Variants in CAMTA1 observed in about 807,000 individuals in gnomAD.
CAMTA1 encodes the protein calmodulin-binding transcription activator 1.
In CAMTA1, 27 loss-of-function variants were observed where a neutral mutation model predicts 170.9. The ratio of observed to expected loss-of-function variants is 0.16; its 90% CI spans 0.12 to 0.22. CAMTA1 has a LOEUF of 0.22. CAMTA1 is among the 10% of genes least tolerant of loss of function. The pLI, the probability that CAMTA1 is intolerant of heterozygous loss-of-function variation, is 1.00. For missense variants in CAMTA1, 1,619 were observed against 2,217.2 expected, an observed-to-expected ratio of 0.73 and a Z score of 5.42; for synonymous variants, 833 against 891.5, an observed-to-expected ratio of 0.93 and a Z score of 1.17.
At chr1:7,019,042 C>T (rs1212899600) in intron 3 of CAMTA1, among the ~76,000 whole-genome samples, 5 of 152,150 alleles carry the variant, frequency 3.3e-5, no homozygotes, top group African/African-American at 7.2e-5. Context: ...CCTTGGTGGG[C>T]GGGGTGGATG....
chr1:6,859,594 G>C (rs1663862076), intron 3 of CAMTA1, among the ~76,000 whole-genome samples: 2 of 152,030 alleles, frequency 1.3e-5, no homozygotes, highest in Non-Finnish European at 2.9e-5. Flanking sequence ...TTCAAGACCA[G>C]CCTGGGCAAC....
intron 3 of CAMTA1, among the ~76,000 whole-genome samples, chr1:7,053,825 T>C (rs1204603627): frequency 6.6e-6 from 1 of 152,240 alleles, no homozygotes; most frequent in Non-Finnish European, 1.5e-5. Context: ...GGTTGGTTGC[T>C]CAGCATGTCT....
At position 7,234,703 on chromosome 1, in the gene CAMTA1, T is replaced by C. The variant is rs925849118; in HGVS notation, c.303-14788T>C. 6.6e-6 allele frequency among the ~76,000 whole-genome samples: 1 copy of C among 152,162 alleles called. No individual in the cohort carries two copies. Among genetic ancestry groups the C allele is most frequent in the Non-Finnish European group, 1.5e-5 (1 of 68,020 alleles). On this transcript the variant is annotated intron_variant, in intron 4 of 22. Coordinates refer to ENST00000303635, the MANE Select transcript of CAMTA1 (RefSeq NM_015215.4). This position sits in a 1 kb window ranked among gnomAD's most constrained non-coding sequence, Gnocchi z 5.0. ...TTACCATCTCTCCAAATGGGCAGCCTCTTCTTTTCAGGGACCTCCAGAGAC... is the reference window on the plus strand; with the variant it reads ...TTACCATCTCTCCAAATGGGCAGCCCCTTCTTTTCAGGGACCTCCAGAGAC...
At chr1:7,654,983 TATAC>T (rs1212902149) in intron 7 of CAMTA1, among the ~76,000 whole-genome samples, 1 of 123,068 alleles carries the variant, frequency 8.1e-6, no homozygotes, top group Non-Finnish European at 1.6e-5. Flanking sequence ...CACACACACC[TATAC>T]ACACACCCAC....
intron 5 of CAMTA1, among the ~76,000 whole-genome samples, chr1:7,376,954 C>T (rs1444373889): frequency 6.6e-6 from 1 of 152,170 alleles, no homozygotes; most frequent in African/African-American, 2.4e-5. Context: ...ATCACAGATT[C>T]GGATCTGTCT....
intron 3 of CAMTA1, among the ~76,000 whole-genome samples, chr1:6,988,367 CA>C (rs1695716710): frequency 3.3e-5 from 5 of 152,188 alleles, no homozygotes; most frequent in Non-Finnish European, 5.9e-5. Context: ...TTTCATTTTG[CA>C]TAATCAGGCA....
At chr1:6,866,267 A>G (rs1411622220) in intron 3 of CAMTA1, among the ~76,000 whole-genome samples, 1 of 152,242 alleles carries the variant, frequency 6.6e-6, no homozygotes, top group Non-Finnish European at 1.5e-5. Context: ...TAGGACTTAG[A>G]AAACATTTTT....
At chr1:7,158,719 C>T (rs1170444129) in intron 4 of CAMTA1, among the ~76,000 whole-genome samples, 2 of 152,064 alleles carry the variant, frequency 1.3e-5, no homozygotes, top group Non-Finnish European at 2.9e-5. Flanking sequence ...ACAAGGGTTT[C>T]CTCTGTAAAA....
intron 3 of CAMTA1, among the ~76,000 whole-genome samples, chr1:6,990,430 C>G (rs1371950614): frequency 1.3e-5 from 2 of 152,196 alleles, no homozygotes; most frequent in Non-Finnish European, 2.9e-5. Context: ...ATCAATCCAT[C>G]TTGGTTTGAT....
intron 4 of CAMTA1, among the ~76,000 whole-genome samples, chr1:7,141,288 C>T (rs1300233186): frequency 1.3e-5 from 2 of 152,226 alleles, no homozygotes; most frequent in African/African-American, 2.4e-5. Flanking sequence ...CATCTGTTCT[C>T]ACAGTGGCAT....
At chr1:7,658,043 G>A (rs2095920040) in intron 7 of CAMTA1, among the ~76,000 whole-genome samples, 1 of 152,196 alleles carries the variant, frequency 6.6e-6, no homozygotes. Flanking sequence ...GACTCTGCCA[G>A]CCAGGGGATT....
At chr1:7,222,112 T>C (rs1285036395) in intron 4 of CAMTA1, among the ~76,000 whole-genome samples, 1 of 152,188 alleles carries the variant, frequency 6.6e-6, no homozygotes, top group Non-Finnish European at 1.5e-5. Context: ...CTTCTCATAA[T>C]GTCACTGAGA....
intron 6 of CAMTA1, among the ~76,000 whole-genome samples, chr1:7,529,583 A>C (rs2094468454): frequency 6.6e-6 from 1 of 152,130 alleles, no homozygotes; most frequent in African/African-American, 2.4e-5. Context: ...CCGTGCAGGC[A>C]GGCCCCGAGT....
chr1:7,125,668 G>C (rs1185196927), intron 4 of CAMTA1, among the ~76,000 whole-genome samples: 1 of 152,204 alleles, frequency 6.6e-6, no homozygotes, highest in Admixed American at 6.5e-5. Flanking sequence ...AGAGGAAGGA[G>C]AGCTGGCCCC....
intron 4 of CAMTA1, among the ~76,000 whole-genome samples, chr1:7,117,658 A>C (rs1054772398): frequency 6.6e-6 from 1 of 152,120 alleles, no homozygotes; most frequent in Non-Finnish European, 1.5e-5. Context: ...ACTGCCTTCC[A>C]GTGTTGAGCA....
At chr1:6,900,980 C>G (rs1676810501) in intron 3 of CAMTA1, among the ~76,000 whole-genome samples, 1 of 152,154 alleles carries the variant, frequency 6.6e-6, no homozygotes, top group South Asian at 2.1e-4. Context: ...AGGAGATAGC[C>G]TGATTTCAAG....
intron 7 of CAMTA1, among the ~76,000 whole-genome samples, chr1:7,648,985 G>A (rs1348721083): frequency 6.6e-6 from 1 of 152,234 alleles, no homozygotes; most frequent in Admixed American, 6.5e-5. Flanking sequence ...GTGCGAGGAG[G>A]GCAGGCGTTG....
In CAMTA1 at chr1:6,945,178, C is replaced by G. The variant is rs1444370558; in HGVS notation, c.234+119968C>G. On this transcript the variant is annotated intron_variant, in intron 3 of 22. Coordinates refer to ENST00000303635, the MANE Select transcript of CAMTA1 (RefSeq NM_015215.4). ...ATCAATGAATCTTTTTTGATAACAGCTTTATTGTGATATAATTCATATAGC... is the reference window on the plus strand; with the variant it reads ...ATCAATGAATCTTTTTTGATAACAGGTTTATTGTGATATAATTCATATAGC... Among the ~76,000 whole-genome samples the G allele has an allele frequency of 2.0e-5, 3 of 152,130 alleles. No individual in the cohort carries two copies. The East Asian group carries it at 5.8e-4, about 29-fold the overall frequency.
intron 6 of CAMTA1, among the ~76,000 whole-genome samples, chr1:7,586,748 G>A (rs1466618346): frequency 6.6e-6 from 1 of 152,060 alleles, no homozygotes; most frequent in Non-Finnish European, 1.5e-5. Context: ...GGGGACTGTC[G>A]ACAGCCCTGA....
Sources: gnomAD v4.1 joint callset for allele counts (sites outside exome capture counted in the v4.1 genomes callset) on GRCh38, gnomAD v4.1.1 for gene constraint, Gnocchi (gnomAD v3.1) non-coding constraint, MANE v1.5 for transcripts, NCBI Gene and HGNC (gene_info 2026-07-23, HGNC 2026-07-21) for gene names.